ZNF479: variants seen among roughly 807,000 people sequenced by gnomAD.
ZNF479 encodes KRAB zinc finger protein KR19.
ZNF479 carries 15 observed loss-of-function variants against 14.7 expected under a neutral mutation model. The ratio of observed to expected loss-of-function variants is 1.02; its 90% CI spans 0.68 to 1.57. The LOEUF (loss-of-function observed/expected upper bound fraction) is 1.57, where lower values mean the gene tolerates loss of function less well. ZNF479 is among the 40% of genes most tolerant of loss of function. The pLI, the probability that ZNF479 is intolerant of heterozygous loss-of-function variation, is 0.00. For synonymous variants in ZNF479, 145 were observed against 211.5 expected, an observed-to-expected ratio of 0.69 and a Z score of 2.73; for missense variants, 506 against 615.1, an observed-to-expected ratio of 0.82 and a Z score of 1.88.
intron 3 of ZNF479, among the ~76,000 whole-genome samples, chr7:57,124,451 A>T (rs1466644545): frequency 1.3e-5 from 2 of 152,240 alleles, no homozygotes; most frequent in Non-Finnish European, 2.9e-5. Flanking sequence ...ATTGCATCAC[A>T]TACAAAAAAT....
At position 57,132,281 on chromosome 7, in the gene ZNF479, C is replaced by T; in HGVS notation, c.39+5G>A. On this transcript the variant is annotated splice_donor_5th_base_variant and intron_variant, in intron 1 of 3. Coordinates refer to ENST00000319636, the MANE Select transcript of ZNF479 (RefSeq NM_001370129.2). Reference sequence around the variant, plus strand: ...CTCTCTCACGATGACAGACCCAGCACTCACCATTTCTCGGCTTCCAGGGGG... The same window carrying T: ...CTCTCTCACGATGACAGACCCAGCATTCACCATTTCTCGGCTTCCAGGGGG... 3.7e-6 allele frequency: 6 copies of T among 1,614,092 alleles called. No homozygotes were observed. Among genetic ancestry groups the T allele is most frequent in the Non-Finnish European group, 5.1e-6 (6 of 1,180,022 alleles).
rs532578501 is a variant in ZNF479, at chr7:57,121,071, T to C, written c.344A>G (p.Tyr115Cys). 2 of 1,613,962 alleles carry C rather than the reference T, an allele frequency of 1.2e-6. No homozygotes were observed. Among genetic ancestry groups the C allele is most frequent in the Admixed American group, 3.3e-5 (2 of 59,970 alleles). Residue 115 changes from tyrosine to cysteine, a missense_variant, in exon 4 of 4, where the codon TAT becomes TGT. Physicochemically the swap from Tyr to Cys is radical, Grantham distance 194 (BLOSUM62 -2). Transcript: ENST00000319636. ...TAATTTCTCATGTCCACATTTTCCATATGTTCTTGGTATTACTTTTTGGAG... is the reference window on the plus strand; with the variant it reads ...TAATTTCTCATGTCCACATTTTCCACATGTTCTTGGTATTACTTTTTGGAG... ...DSLQKVIPRT[Y>C]GKCGHEKLQF... is the part of the protein sequence containing the mutation.
intron 3 of ZNF479, among the ~76,000 whole-genome samples, 197 bp downstream of exon 3, chr7:57,125,821 A>C (rs1786139679): frequency 6.6e-6 from 1 of 152,248 alleles, no homozygotes; most frequent in Non-Finnish European, 1.5e-5. Flanking sequence ...ATTGAAGCAG[A>C]AGTGGAATCC....
chr7:57,121,921 C>T (rs1554400706), intron 3 of ZNF479, among the ~76,000 whole-genome samples: 2 of 151,752 alleles, frequency 1.3e-5, no homozygotes, highest in Admixed American at 6.6e-5. Context: ...GAAAACCAGA[C>T]ACCCAAATAA....
At chr7:57,128,549 C>T (rs1385036885) in intron 1 of ZNF479, among the ~76,000 whole-genome samples, 1 of 152,152 alleles carries the variant, frequency 6.6e-6, no homozygotes, top group Non-Finnish European at 1.5e-5. Flanking sequence ...GTATCCACAC[C>T]TTCTAATGTT....
chr7:57,136,636 G>C (rs1786665894), upstream of ZNF479, among the ~76,000 whole-genome samples: 1 of 152,162 alleles, frequency 6.6e-6, no homozygotes, highest in Non-Finnish European at 1.5e-5. Flanking sequence ...GCTGCTGGAG[G>C]CTTCTTCTGG....
upstream of ZNF479, among the ~76,000 whole-genome samples, chr7:57,135,973 A>ATCTCTCTCTCTCTCTC (rs57853604): frequency 7.3e-4 from 92 of 125,270 alleles, 1 homozygote; most frequent in African/African-American, 1.3e-3. Flanking sequence ...CTCTCTCTCA[A>ATCTCTCTCTCTCTCTC]TCTCTCTCTC....
rs574462515 is a variant in ZNF479, at chr7:57,120,909, A to C, written c.506T>G (p.Phe169Cys). The change falls in exon 4 of 4, where the codon TTT (phenylalanine) becomes TGT (cysteine). Residue 169 changes from phenylalanine to cysteine, a missense_variant. Physicochemically the swap from Phe to Cys is radical, Grantham distance 205. Coordinates refer to ENST00000319636, the MANE Select transcript of ZNF479 (RefSeq NM_001370129.2). ...TGTTTTATCTCTATTGGAATTTGAA[A>C]ATTTACCAAAGACTTTGACATATTT... ...THKYVKVFGK[F>C]SNSNRDKTRY... The C allele has an allele frequency of 6.2e-7, 1 of 1,613,876 alleles. No homozygotes were observed. The highest frequency in any genetic ancestry group is 2.2e-5 in the East Asian group (1 of 44,862).
chr7:57,120,648 A>G lies in ZNF479; in HGVS notation c.767T>C (p.Leu256Pro). 1 of 1,613,910 alleles carries G rather than the reference A, an allele frequency of 6.2e-7. No homozygotes were observed. Among genetic ancestry groups the G allele is most frequent in the Non-Finnish European group, 8.5e-7 (1 of 1,179,878 alleles). ...AGTATGAGTTCTCTTATGTCTAGTA[A>G]GGTTTGCAGACCAGCTAAAGGCTTT... The part of the protein sequence containing the change: ...CGKAFSWSAN[L>P]TRHKRTHTGE... The change falls in exon 4 of 4, where the codon CTT (leucine) becomes CCT (proline). Residue 256 changes from leucine (L) to proline (P), a missense_variant. By Grantham distance (98) the Leu-to-Pro change is moderately conservative. This residue lies in a region of ZNF479 where 420 missense variants were observed against 474.2 expected (regional missense o/e 0.89). Transcript: ENST00000319636.
At chr7:57,123,005 AAACC>A (rs1786017136) in intron 3 of ZNF479, among the ~76,000 whole-genome samples, 1 of 152,176 alleles carries the variant, frequency 6.6e-6, no homozygotes, top group Admixed American at 6.5e-5. Flanking sequence ...AAAAAACTGA[AAACC>A]TGAAGAATAT....
At chr7:57,125,979 C>T in intron 3 of ZNF479, 39 bp downstream of exon 3, 1 of 1,592,870 alleles carries the variant, frequency 6.3e-7, no homozygotes, top group Non-Finnish European at 8.5e-7. Context: ...ATTTGTGTAC[C>T]TCTCATCTGT....
intron 3 of ZNF479, among the ~76,000 whole-genome samples, chr7:57,123,863 A>C (rs180873452): frequency 1.3e-5 from 2 of 152,202 alleles, no homozygotes; most frequent in African/African-American, 4.8e-5. Context: ...GCAAAATCAT[A>C]CAGTATATGT....
chr7:57,125,943 C>T lies in ZNF479; in HGVS notation c.262+75G>A, dbSNP rs1583937602. The T allele has an allele frequency of 3.2e-6, 5 of 1,541,490 alleles. No individual in the cohort carries two copies. The East Asian group carries it at 1.1e-4, about 35-fold the overall frequency. On this transcript the variant is annotated intron_variant, in intron 3 of 3. Coordinates refer to ENST00000319636, the MANE Select transcript of ZNF479 (RefSeq NM_001370129.2). The stretch of plus-strand genomic sequence containing the variant: ...CATCAAAGCACAGCTCCCCAGACCA[C>T]ATTTTAAGGACTGGCTGCCTCCTTG...
chr7:57,125,068 G>A (rs566126797), intron 3 of ZNF479, among the ~76,000 whole-genome samples: 115 of 151,050 alleles, frequency 7.6e-4, no homozygotes, highest in South Asian at 1.7e-3. Context: ...GTGAAACTCC[G>A]TCTCAAAAAA....
upstream of ZNF479, among the ~76,000 whole-genome samples, chr7:57,136,447 G>C (rs4487702): frequency 0.53 from 80,489 of 151,848 alleles, 21,716 homozygotes; most frequent in East Asian, 0.85. Context: ...ACAACAGCAA[G>C]AAAATAATGG....
Position 57,121,297 on chromosome 7 carries a change from T to C in ZNF479, c.263-145A>G, listed in dbSNP as rs1416973234. The C allele has an allele frequency of 6.6e-5, 44 of 671,512 alleles. No individual in the cohort carries two copies. The East Asian group carries it at 1.2e-3, about 18-fold the overall frequency. 41.6% of individuals were successfully genotyped at this position (671,512 alleles called of 1,614,324 possible). ...AGGCCATAATTCCTTCATAGATGTA[T>C]AAATGTAACAAAATCATAGTGATCA... On this transcript the variant is annotated intron_variant, in intron 3 of 3. Coordinates refer to ENST00000319636, the MANE Select transcript of ZNF479 (RefSeq NM_001370129.2).
At position 57,120,695 on chromosome 7, in the gene ZNF479, T is replaced by C. The variant is rs1296210086; in HGVS notation, c.720A>G (p.Pro240=). The C allele has an allele frequency of 1.2e-6, 2 of 1,613,140 alleles. No individual in the cohort carries two copies. Among genetic ancestry groups the C allele is most frequent in the African/African-American group, 2.7e-5 (2 of 74,874 alleles). Residue 240 remains proline (P), a synonymous_variant, in exon 4 of 4, where the codon CCA becomes CCG. Coordinates refer to ENST00000319636, the MANE Select transcript of ZNF479 (RefSeq NM_001370129.2). The part of the protein sequence containing the change: ...THKIIHTGEK[P]YRCEECGKAF... Reference sequence around the variant, plus strand: ...CTTTGCCACATTCCTCACATCTATATGGTTTCTCTCCAGTATGAATTATTT... The same window carrying C: ...CTTTGCCACATTCCTCACATCTATACGGTTTCTCTCCAGTATGAATTATTT...
chr7:57,129,934 A>T (rs1786342303), intron 1 of ZNF479, among the ~76,000 whole-genome samples: 1 of 152,214 alleles, frequency 6.6e-6, no homozygotes, highest in South Asian at 2.1e-4. Flanking sequence ...AATTTTTGAA[A>T]CTAATTACAA....
upstream of ZNF479, among the ~76,000 whole-genome samples, chr7:57,133,794 A>G (rs1250073568): frequency 6.6e-6 from 1 of 151,560 alleles, no homozygotes; most frequent in Non-Finnish European, 1.5e-5. Context: ...TGAACCCAAG[A>G]GGCAGAGGTT....
Sources: gnomAD v4.1 joint callset for allele counts (sites outside exome capture counted in the v4.1 genomes callset) on GRCh38, gnomAD v4.1.1 for gene constraint, gnomAD v4.1.1 regional missense constraint, MANE v1.5 for transcripts, NCBI Gene and HGNC (gene_info 2026-07-23, HGNC 2026-07-21) for gene names.